The following RBFOX2 variants were observed in gnomAD, a reference collection of about 807,000 sequenced individuals.
RBFOX2 encodes the protein RNA binding protein fox-1 homolog 2.
Under a neutral mutation model 49.1 loss-of-function variants are expected in RBFOX2, and 10 were observed. That is an observed-to-expected ratio of 0.20 (90% CI 0.13 to 0.35). The LOEUF (loss-of-function observed/expected upper bound fraction) is 0.35. RBFOX2 is among the 10% of genes least tolerant of loss of function. The pLI is 1.00. For synonymous variants in RBFOX2, 183 were observed against 187.4 expected (o/e 0.98, Z 0.19); for missense variants, 323 against 486.9 (o/e 0.66, Z 3.17).
intron 1 of RBFOX2, among the ~76,000 whole-genome samples, chr22:35,894,663 T>C (rs1015132653): frequency 6.6e-6 from 1 of 152,118 alleles, no homozygotes; most frequent in Non-Finnish European, 1.5e-5. Flanking sequence ...CAATCACCGC[T>C]AGGTTTTAAA....
At chr22:35,916,893 AG>A (rs1411349523) in intron 1 of RBFOX2, among the ~76,000 whole-genome samples, 18 of 151,710 alleles carry the variant, frequency 1.2e-4, no homozygotes, top group Non-Finnish European at 2.4e-4. Context: ...AAAAAAAAAA[AG>A]AGTAATGAAA....
chr22:35,855,178 A>G (rs908169319), intron 1 of RBFOX2, among the ~76,000 whole-genome samples: 8 of 152,160 alleles, frequency 5.3e-5, no homozygotes, highest in African/African-American at 1.9e-4. Context: ...TTTAAATAAT[A>G]TATTTACTCA....
At chr22:35,972,819 G>A (rs908803674) in intron 1 of RBFOX2, among the ~76,000 whole-genome samples, 1 of 152,074 alleles carries the variant, frequency 6.6e-6, no homozygotes, top group African/African-American at 2.4e-5. Flanking sequence ...TCCTCCTAGT[G>A]CTTAGAGACA....
chr22:35,907,353 C>G (rs1042852862), intron 1 of RBFOX2, among the ~76,000 whole-genome samples: 1 of 152,194 alleles, frequency 6.6e-6, no homozygotes, highest in Non-Finnish European at 1.5e-5. Context: ...GGGGAGGGGA[C>G]ACCCCTCTTT....
intron 1 of RBFOX2, among the ~76,000 whole-genome samples, chr22:35,877,793 G>A (rs1191242983): frequency 6.6e-6 from 1 of 151,994 alleles, no homozygotes; most frequent in African/African-American, 2.4e-5. Flanking sequence ...ATGTGAGAGA[G>A]AATAGCTGAT....
At chr22:35,963,349 G>T (rs1175217607), upstream of RBFOX2, among the ~76,000 whole-genome samples, 1 of 152,140 alleles carries the variant, frequency 6.6e-6, no homozygotes, top group Non-Finnish European at 1.5e-5. Flanking sequence ...TTCGCTCCTT[G>T]TTGACCTTAA....
intron 1 of RBFOX2, among the ~76,000 whole-genome samples, chr22:35,979,951 T>C (rs775542082): frequency 2.0e-5 from 3 of 152,150 alleles, no homozygotes; most frequent in African/African-American, 4.8e-5. Context: ...TCTTTACTTA[T>C]CATTGAGGAT....
At chr22:35,890,197 T>A (rs1358827415) in intron 1 of RBFOX2, among the ~76,000 whole-genome samples, 2 of 152,158 alleles carry the variant, frequency 1.3e-5, no homozygotes, top group African/African-American at 2.4e-5. Flanking sequence ...TTGTCTCAAG[T>A]AACGAAGGGT....
intron 1 of RBFOX2, among the ~76,000 whole-genome samples, chr22:35,834,303 G>A (rs1400597694): frequency 6.6e-6 from 1 of 152,152 alleles, no homozygotes; most frequent in East Asian, 1.9e-4. Context: ...GAGTTAATGA[G>A]GGTAAAGTGC....
intron 1 of RBFOX2, among the ~76,000 whole-genome samples, chr22:35,873,521 A>G (rs921311333): frequency 1.3e-5 from 2 of 152,236 alleles, no homozygotes; most frequent in Non-Finnish European, 2.9e-5. Context: ...CTACAATAGT[A>G]CTAGTGACAA....
intron 1 of RBFOX2, among the ~76,000 whole-genome samples, chr22:35,868,552 C>A (rs898369605): frequency 2.0e-5 from 3 of 151,940 alleles, no homozygotes; most frequent in Non-Finnish European, 4.4e-5. Flanking sequence ...GAGTTCAAGA[C>A]CAGCCTGGAC....
chr22:35,887,467 A>C (rs1299943880), intron 1 of RBFOX2, among the ~76,000 whole-genome samples: 1 of 152,142 alleles, frequency 6.6e-6, no homozygotes, highest in Non-Finnish European at 1.5e-5. Context: ...TTTGATCTTA[A>C]GGAAACCAGA....
intron 1 of RBFOX2, among the ~76,000 whole-genome samples, chr22:35,900,534 AC>A (rs1256486061): frequency 6.6e-6 from 1 of 151,628 alleles, no homozygotes; most frequent in Non-Finnish European, 1.5e-5. Flanking sequence ...ATACAGACTC[AC>A]CAAAACAACA....
intron 1 of RBFOX2, among the ~76,000 whole-genome samples, chr22:35,904,458 G>A (rs1270310427): frequency 6.6e-6 from 1 of 152,138 alleles, no homozygotes; most frequent in Non-Finnish European, 1.5e-5. Flanking sequence ...TGGCACTCAG[G>A]CAACTGTCTA....
intron 1 of RBFOX2, among the ~76,000 whole-genome samples, chr22:35,850,190 T>TACACACA (rs1556051457): frequency 5.8e-5 from 2 of 34,454 alleles, no homozygotes; most frequent in Non-Finnish European, 1.1e-4. Flanking sequence ...TGTCTCTCTC[T>TACACACA]CATACACACA....
intron 9 of RBFOX2, chr22:35,748,759 GT>G (rs977041368): frequency 3.9e-5 from 6 of 152,150 alleles, no homozygotes; most frequent in African/African-American, 1.4e-4. Flanking sequence ...CCCAATTCAT[GT>G]TTACCTAGGT....
At chr22:35,879,399 GATT>G (rs2045579860) in intron 1 of RBFOX2, among the ~76,000 whole-genome samples, 1 of 152,208 alleles carries the variant, frequency 6.6e-6, no homozygotes, top group Non-Finnish European at 1.5e-5. Context: ...ACACTCCAGA[GATT>G]ATTTAAAGTA....
At chr22:35,763,956 T>C (rs993656956) in intron 6 of RBFOX2, among the ~76,000 whole-genome samples, 1 of 152,214 alleles carries the variant, frequency 6.6e-6, no homozygotes, top group Admixed American at 6.5e-5. Flanking sequence ...TCTGTCACAA[T>C]ATTTCCCTTA....
At chr22:35,933,154 A>G (rs2052626022) in intron 1 of RBFOX2, among the ~76,000 whole-genome samples, 1 of 152,228 alleles carries the variant, frequency 6.6e-6, no homozygotes, top group Non-Finnish European at 1.5e-5. Context: ...GTTCAAGTCC[A>G]ATTCTTTACT....
Sources: allele counts gnomAD v4.1 joint callset (sites outside exome capture counted in the v4.1 genomes callset), GRCh38; gene constraint gnomAD v4.1.1; transcripts MANE v1.5; gene names NCBI Gene and HGNC (gene_info 2026-07-23, HGNC 2026-07-21).